Variants in DPYD observed in about 807,000 individuals in gnomAD.
DPYD encodes dihydropyrimidine dehydrogenase [NADP(+)].
DPYD carries 109 observed loss-of-function variants against 116.2 expected under a neutral mutation model. The observed-to-expected ratio is 0.94, with a 90% CI of 0.80 to 1.10. The LOEUF (loss-of-function observed/expected upper bound fraction) is 1.10. Ranked by LOEUF, DPYD falls within the 50% of genes least tolerant of loss-of-function variation. DPYD has a pLI of 0.00. For missense variants in DPYD, 1,302 were observed against 1,254.5 expected (o/e 1.04, Z -0.57); for synonymous variants, 440 against 432.0 (o/e 1.02, Z -0.23).
chr1:97,199,924 A>G (rs1220827084), intron 19 of DPYD, among the ~76,000 whole-genome samples: 4 of 152,222 alleles, frequency 2.6e-5, no homozygotes, highest in Admixed American at 1.3e-4. Context: ...GCAGAGGCCA[A>G]AATGGGAAGT....
chr1:97,124,450 A>G (rs1652680493), intron 20 of DPYD, among the ~76,000 whole-genome samples: 1 of 152,124 alleles, frequency 6.6e-6, no homozygotes, highest in Admixed American at 6.6e-5. Flanking sequence ...CAGTTACCCA[A>G]AAAAACAGTT....
At chr1:97,408,439 A>G (rs986018192) in intron 14 of DPYD, among the ~76,000 whole-genome samples, 2 of 152,162 alleles carry the variant, frequency 1.3e-5, no homozygotes, top group African/African-American at 2.4e-5. Flanking sequence ...TTGACTTCAT[A>G]TAAGAATTTA....
chr1:97,641,820 G>C (rs1461594007), intron 8 of DPYD, among the ~76,000 whole-genome samples: 2 of 152,284 alleles, frequency 1.3e-5, no homozygotes, highest in East Asian at 3.9e-4. Context: ...GTCCCTGTTT[G>C]CAGATGACAT....
intron 20 of DPYD, among the ~76,000 whole-genome samples, chr1:97,169,309 AAAAGTCAATATTTACTGATGAT>A (rs1322725450): frequency 2.6e-5 from 4 of 152,130 alleles, no homozygotes; most frequent in Non-Finnish European, 5.9e-5. Flanking sequence ...GAGTGTTCTA[AAAAGTCAATATTTACTGATGAT>A]ATCAGTAATC....
At chr1:97,830,346 G>A (rs1669476087) in intron 2 of DPYD, among the ~76,000 whole-genome samples, 1 of 152,162 alleles carries the variant, frequency 6.6e-6, no homozygotes, top group African/African-American at 2.4e-5. Context: ...ATAAACAGCA[G>A]GGTTGGAAGA....
intron 12 of DPYD, among the ~76,000 whole-genome samples, chr1:97,535,080 C>A (rs1290204291): frequency 6.6e-6 from 1 of 151,956 alleles, no homozygotes; most frequent in East Asian, 1.9e-4. Flanking sequence ...CATGATATTC[C>A]CAAAAGTCTG....
chr1:97,191,715 A>G (rs1184148246), intron 20 of DPYD, among the ~76,000 whole-genome samples: 1 of 152,166 alleles, frequency 6.6e-6, no homozygotes, highest in Non-Finnish European at 1.5e-5. Context: ...CAAATTTGAG[A>G]CAATGATTTT....
At chr1:97,142,683 C>T (rs540890750) in intron 20 of DPYD, among the ~76,000 whole-genome samples, 1 of 152,006 alleles carries the variant, frequency 6.6e-6, no homozygotes, top group East Asian at 1.9e-4. Context: ...ATAGCAATTC[C>T]TCCTCAGCCA....
At chr1:97,385,986 A>C (rs555680768) in intron 14 of DPYD, among the ~76,000 whole-genome samples, 1 of 152,256 alleles carries the variant, frequency 6.6e-6, no homozygotes, top group South Asian at 2.1e-4. Flanking sequence ...AGGGAAATAA[A>C]TATCATACAG....
intron 12 of DPYD, among the ~76,000 whole-genome samples, chr1:97,518,957 T>C (rs1319300645): frequency 1.3e-5 from 2 of 152,144 alleles, no homozygotes; most frequent in Non-Finnish European, 2.9e-5. Context: ...ACGTTTCTGT[T>C]TATCCATCAA....
At chr1:97,486,680 A>G (rs544184673) in intron 13 of DPYD, among the ~76,000 whole-genome samples, 41 of 152,298 alleles carry the variant, frequency 2.7e-4, no homozygotes, top group African/African-American at 9.1e-4. Context: ...ATACAAATTT[A>G]TGATTAATTC....
At chr1:97,507,440 G>A (rs894306128) in intron 13 of DPYD, among the ~76,000 whole-genome samples, 1 of 151,894 alleles carries the variant, frequency 6.6e-6, no homozygotes, top group Non-Finnish European at 1.5e-5. Flanking sequence ...CTGGACTATT[G>A]TTAATTTATT....
chr1:97,809,411 G>T (rs1435667321), intron 3 of DPYD, among the ~76,000 whole-genome samples: 1 of 152,164 alleles, frequency 6.6e-6, no homozygotes, highest in Non-Finnish European at 1.5e-5. Context: ...TCCAGCCCAA[G>T]ATGTCAGCTG....
intron 18 of DPYD, among the ~76,000 whole-genome samples, chr1:97,278,921 A>AT (rs35732009): frequency 0.24 from 35,748 of 150,908 alleles, 4,309 homozygotes; most frequent in Middle Eastern, 0.27. Flanking sequence ...TTTCGTAAAA[A>AT]TTTTTTTTTT....
chr1:97,909,949 A>C (rs938543917), intron 1 of DPYD, among the ~76,000 whole-genome samples: 1 of 151,886 alleles, frequency 6.6e-6, no homozygotes, highest in Non-Finnish European at 1.5e-5. Flanking sequence ...CACACCTCTT[A>C]CTTTTTTTGT....
intron 20 of DPYD, among the ~76,000 whole-genome samples, chr1:97,145,028 A>C (rs1557890883): frequency 6.6e-6 from 1 of 152,174 alleles, no homozygotes; most frequent in Admixed American, 6.6e-5. Flanking sequence ...GCAAGTGTGC[A>C]CTACTAATAG....
At chr1:97,200,804 A>G (rs1237980002) in intron 19 of DPYD, among the ~76,000 whole-genome samples, 1 of 152,152 alleles carries the variant, frequency 6.6e-6, no homozygotes, top group Non-Finnish European at 1.5e-5. Flanking sequence ...TGATCTGTGC[A>G]TGGTACACAG....
At chr1:97,661,776 C>T (rs926891581) in intron 8 of DPYD, among the ~76,000 whole-genome samples, 1 of 151,834 alleles carries the variant, frequency 6.6e-6, no homozygotes, top group African/African-American at 2.4e-5. Flanking sequence ...GTAAAACAAG[C>T]TATATGTTAA....
At chr1:97,278,162 T>C (rs1002808988) in intron 18 of DPYD, among the ~76,000 whole-genome samples, 2 of 152,226 alleles carry the variant, frequency 1.3e-5, no homozygotes, top group Admixed American at 1.3e-4. Context: ...TGCAGCTTAA[T>C]ATTTTCCTTA....
Sources: allele counts gnomAD v4.1 joint callset (sites outside exome capture counted in the v4.1 genomes callset), GRCh38; gene constraint gnomAD v4.1.1; transcripts MANE v1.5; gene names NCBI Gene and HGNC (gene_info 2026-07-23, HGNC 2026-07-21).